The following RNFT2 variants were observed in gnomAD, a reference collection of about 807,000 sequenced individuals.
RNFT2 encodes the protein E3 ubiquitin-protein ligase RNFT2.
A neutral mutation model predicts 53.0 loss-of-function variants in RNFT2; 36 were observed. The ratio of observed to expected loss-of-function variants is 0.68; its 90% CI spans 0.52 to 0.90. The LOEUF (loss-of-function observed/expected upper bound fraction) is 0.90. Among genes scored for constraint, RNFT2 ranks in the 40% least tolerant of loss-of-function variants. The probability of loss-of-function intolerance (pLI) is 0.00; values close to 1 mark genes in which losing one functional copy is unlikely to be tolerated. For missense variants in RNFT2, 514 were observed against 585.6 expected, an observed-to-expected ratio of 0.88 and a Z score of 1.26; for synonymous variants, 260 against 253.2, an observed-to-expected ratio of 1.03 and a Z score of -0.26.
In RNFT2 at chr12:116,781,030, G is replaced by A. The variant is rs956097514; in HGVS notation, c.882+1682G>A. 2.0e-5 allele frequency among the ~76,000 whole-genome samples: 3 copies of A among 152,200 alleles called. No individual in the cohort carries two copies. The East Asian group carries it at 5.8e-4, about 29-fold the overall frequency. ...ACTCACTTTGTAAGAACTATTGGTT[G>A]TGGGAAATACAGAGTGCTTTGCTCC... On this transcript the variant is annotated intron_variant, in intron 7 of 10. Transcript: ENST00000257575.
intron 7 of RNFT2, among the ~76,000 whole-genome samples, chr12:116,781,297 A>G (rs767883383): frequency 7.2e-5 from 11 of 152,104 alleles, no homozygotes; most frequent in African/African-American, 1.2e-4. Context: ...TGCGCGAACT[A>G]TATCAATGGG....
intron 7 of RNFT2, among the ~76,000 whole-genome samples, chr12:116,831,318 T>C (rs974814088): frequency 6.6e-6 from 1 of 152,208 alleles, no homozygotes. Context: ...GAAGTGATAC[T>C]GTGTCTTTTC....
At chr12:116,794,327 G>A (rs1377342145) in intron 7 of RNFT2, among the ~76,000 whole-genome samples, 3 of 152,086 alleles carry the variant, frequency 2.0e-5, no homozygotes, top group Non-Finnish European at 2.9e-5. Flanking sequence ...GCTGGGCATA[G>A]TGGTTCACGT....
At chr12:116,806,790 G>A (rs956572538) in intron 7 of RNFT2, among the ~76,000 whole-genome samples, 8 of 149,462 alleles carry the variant, frequency 5.4e-5, no homozygotes, top group Non-Finnish European at 1.0e-4. Context: ...AAAAGCATTT[G>A]ATTTTTCTCC....
chr12:116,796,699 T>A (rs769174037), intron 7 of RNFT2, among the ~76,000 whole-genome samples: 13 of 152,164 alleles, frequency 8.5e-5, no homozygotes, highest in Non-Finnish European at 1.9e-4. Flanking sequence ...CTCCTGGAGG[T>A]CATACCTTCC....
chr12:116,769,701 TAAG>T (rs972695468), intron 6 of RNFT2, among the ~76,000 whole-genome samples: 1 of 152,130 alleles, frequency 6.6e-6, no homozygotes, highest in Non-Finnish European at 1.5e-5. Context: ...TACAGTAAGC[TAAG>T]GTCAATTTAT....
chr12:116,811,821 G>A (rs12313689), intron 7 of RNFT2, among the ~76,000 whole-genome samples: 1 of 152,224 alleles, frequency 6.6e-6, no homozygotes, highest in African/African-American at 2.4e-5. Flanking sequence ...TCGGGGCCCA[G>A]AAGTGCTAAG....
At chr12:116,837,974 T>G (rs1351174779) in intron 10 of RNFT2, among the ~76,000 whole-genome samples, 1 of 152,190 alleles carries the variant, frequency 6.6e-6, no homozygotes, top group Non-Finnish European at 1.5e-5. Context: ...TGTCACCATA[T>G]GTATGTATAT....
Position 116,849,850 on chromosome 12 carries a change from T to C in RNFT2, c.*402T>C. 3.8e-6 allele frequency: 1 copy of C among 263,006 alleles called. No individual in the cohort carries two copies. Among genetic ancestry groups the C allele is most frequent in the South Asian group, 1.3e-4 (1 of 7,824 alleles). 16.3% of individuals were successfully genotyped at this position (263,006 alleles called of 1,614,324 possible). ...CCTCCTTCCTTCCTTCCTTCCTTTT[T>C]TTTTTTTTTTTAAAACAAGGTCTCG... On this transcript the variant is annotated 3_prime_UTR_variant, in exon 11 of 11. Transcript: ENST00000257575.
chr12:116,819,448 GC>G (rs1215776483), intron 7 of RNFT2, among the ~76,000 whole-genome samples: 1 of 152,102 alleles, frequency 6.6e-6, no homozygotes, highest in Non-Finnish European at 1.5e-5. Context: ...GTCCCGCGGG[GC>G]CATGAGATCA....
At chr12:116,834,914 A>G (rs986924846) in intron 8 of RNFT2, among the ~76,000 whole-genome samples, 3 of 148,882 alleles carry the variant, frequency 2.0e-5, no homozygotes, top group African/African-American at 7.5e-5. Context: ...GAGTGGTGCA[A>G]TCTTGGCTCA....
chr12:116,822,167 C>T (rs1030790758), intron 7 of RNFT2, among the ~76,000 whole-genome samples: 1 of 152,048 alleles, frequency 6.6e-6, no homozygotes, highest in African/African-American at 2.4e-5. Flanking sequence ...CAGCCCTCCT[C>T]TCTGTCCCCT....
In RNFT2 at chr12:116,763,619, C is replaced by CAA. The variant is rs34013122; in HGVS notation, c.628-3186_628-3185dup. Reference sequence around the variant, plus strand: ...CCATCTCAGTTAAAAAAAAAAATAACAAAAAAAAAATTAGCTGGATGTGGT... The same window carrying CAA: ...CCATCTCAGTTAAAAAAAAAAATAACAAAAAAAAAAAATTAGCTGGATGTGGT... On this transcript the variant is annotated intron_variant, in intron 5 of 10. Transcript: ENST00000257575. Among the ~76,000 whole-genome samples, 305 of 148,320 alleles carry CAA rather than the reference C, an allele frequency of 2.1e-3. 1 individual carries two copies. The highest frequency in any genetic ancestry group is 3.3e-3 in the Non-Finnish European group (221 of 67,130).
Position 116,766,816 on chromosome 12 carries a change from G to A in RNFT2, c.630G>A (p.Glu210=), listed in dbSNP as rs2137098914. Residue 210 remains glutamate (E), a splice_region_variant and synonymous_variant, in exon 6 of 11, where the codon GAG becomes GAA. Transcript: ENST00000257575. ...CATATCTCTTGCTTTGTCTTCAGGA[G>A]AAGAGGTCAGTGCTGGTCATCTTGT... is the stretch of plus-strand genomic sequence containing the variant. ...STLREQVSLK[E]KRSVLVILWI... The A allele has an allele frequency of 3.8e-6, 6 of 1,588,924 alleles. No homozygotes were observed. The highest frequency in any genetic ancestry group is 5.1e-6 in the Non-Finnish European group (6 of 1,166,568).
intron 7 of RNFT2, among the ~76,000 whole-genome samples, chr12:116,801,864 C>T (rs532620532): frequency 6.6e-6 from 1 of 151,958 alleles, no homozygotes; most frequent in Admixed American, 6.6e-5. Context: ...CTCTGTTGCC[C>T]AGGCTGGAGT....
intron 7 of RNFT2, among the ~76,000 whole-genome samples, chr12:116,832,142 A>ATATAT (rs1170051785): frequency 3.4e-4 from 21 of 61,782 alleles, no homozygotes; most frequent in Admixed American, 1.1e-3. Flanking sequence ...AAAAAAAAAA[A>ATATAT]AAAAAAATAT....
At chr12:116,751,541 T>A (rs1010311999) in intron 4 of RNFT2, among the ~76,000 whole-genome samples, 7 of 151,686 alleles carry the variant, frequency 4.6e-5, no homozygotes, top group Admixed American at 1.3e-4. Flanking sequence ...GTGACTGGGA[T>A]TACAGGCAAC....
At chr12:116,764,439 C>T (rs1458971419) in intron 5 of RNFT2, among the ~76,000 whole-genome samples, 1 of 152,154 alleles carries the variant, frequency 6.6e-6, no homozygotes. Context: ...GCATCGTCTG[C>T]TTTCTCAAAA....
intron 6 of RNFT2, 134 bp downstream of exon 6, chr12:116,767,048 A>C: frequency 1.6e-6 from 1 of 615,940 alleles, no homozygotes; most frequent in Non-Finnish European, 2.9e-6. Flanking sequence ...CCCTGCTGTT[A>C]CTACTTATAT....
Sources: allele counts gnomAD v4.1 joint callset (sites outside exome capture counted in the v4.1 genomes callset), GRCh38; gene constraint gnomAD v4.1.1; transcripts MANE v1.5; gene names NCBI Gene and HGNC (gene_info 2026-07-23, HGNC 2026-07-21).